Variants in MAST3 observed in about 807,000 individuals in gnomAD.
MAST3 encodes microtubule-associated serine/threonine-protein kinase 3.
A neutral mutation model predicts 127.0 loss-of-function variants in MAST3; 43 were observed. The observed-to-expected ratio is 0.34, with a 90% CI of 0.27 to 0.44. The LOEUF is 0.44. Among genes scored for constraint, MAST3 ranks in the 20% least tolerant of loss-of-function variants. The pLI is 1.00. For synonymous variants in MAST3, 785 were observed against 809.2 expected, an observed-to-expected ratio of 0.97 and a Z score of 0.51; for missense variants, 1,390 against 1,919.1, an observed-to-expected ratio of 0.72 and a Z score of 5.15.
chr19:18,129,363 G>A (rs1295925928), intron 13 of MAST3: 4 of 174,262 alleles, frequency 2.3e-5, no homozygotes, highest in East Asian at 1.7e-4. Context: ...GGGAGAGGCC[G>A]GCAAGGGAAC....
At chr19:18,135,645 G>A in intron 17 of MAST3, 95 bp from the exon 18 acceptor site, 1 of 943,126 alleles carries the variant, frequency 1.1e-6, no homozygotes, top group Non-Finnish European at 1.6e-6. Context: ...GTGGCTTGGA[G>A]TACAGTGAAG....
chr19:18,101,994 C>T (rs1312881507), intron 1 of MAST3, among the ~76,000 whole-genome samples: 10 of 149,108 alleles, frequency 6.7e-5, no homozygotes, highest in Non-Finnish European at 1.0e-4. Context: ...CATTCTCCTG[C>T]CTCAGCCTCC....
intron 3 of MAST3, among the ~76,000 whole-genome samples, chr19:18,117,481 GT>G (rs1255804354): frequency 2.0e-5 from 3 of 152,188 alleles, no homozygotes; most frequent in African/African-American, 7.2e-5. Context: ...CTCTATGCCA[GT>G]CCGGTGCTGG....
intron 1 of MAST3, among the ~76,000 whole-genome samples, chr19:18,099,635 A>G (rs1226753828): frequency 6.6e-6 from 1 of 152,182 alleles, no homozygotes; most frequent in Non-Finnish European, 1.5e-5. Flanking sequence ...GAACCCACGC[A>G]GTTCCGGCTT....
In MAST3 at chr19:18,150,730, G is replaced by A. The variant is rs2147921861; in HGVS notation, c.*1004G>A. On this transcript the variant is annotated 3_prime_UTR_variant, in exon 28 of 28. Coordinates refer to ENST00000687212, the MANE Select transcript of MAST3 (RefSeq NM_001393504.1). ...TCCTGCTGGCTTCAGCCTGGAGAAG[G>A]GATATGGGAGCTGGAGCTTTGATGG... 1 of 152,464 alleles carries A rather than the reference G, an allele frequency of 6.6e-6. No individual in the cohort carries two copies. Among genetic ancestry groups the A allele is most frequent in the East Asian group, 1.9e-4 (1 of 5,188 alleles). 9.4% of individuals were successfully genotyped at this position (152,464 alleles called of 1,614,324 possible). A position where few individuals can be genotyped will look rare whatever the true frequency, so the allele number is the denominator to read the frequency against.
rs3048876 is a variant in MAST3 at position 18,116,090 on chromosome 19, C to CTTTTTTTTTTTTTTTTTTTTTTTTT, written c.161+5370_161+5371insTTTTTTTTTTTTTTTTTTTTTTTTT. On this transcript the variant is annotated intron_variant, in intron 3 of 27. Transcript: ENST00000687212. ...TCTCAGCCTTGGTATTTGAAATTAT[C>CTTTTTTTTTTTTTTTTTTTTTTTTT]TTTTTTTTTTTTTTTTTTTTTGAGA... Among the ~76,000 whole-genome samples the CTTTTTTTTTTTTTTTTTTTTTTTTT allele has an allele frequency of 2.4e-4, 21 of 86,346 alleles. 1 individual carries two copies. Among genetic ancestry groups the CTTTTTTTTTTTTTTTTTTTTTTTTT allele is most frequent in the African/African-American group, 1.1e-3 (20 of 18,374 alleles). 56.6% of individuals were successfully genotyped at this position (86,346 alleles called of 152,430 possible).
At chr19:18,099,065 A>G in intron 1 of MAST3, 3 of 196,708 alleles carry the variant, frequency 1.5e-5, no homozygotes, top group South Asian at 1.1e-4. Context: ...GGGAGGACTG[A>G]GCAGGTGGGG....
At chr19:18,134,535 A>AC (rs751278010) in intron 15 of MAST3, 44 bp from the exon 16 acceptor site, 27 of 1,566,632 alleles carry the variant, frequency 1.7e-5, no homozygotes, top group Non-Finnish European at 2.3e-5. Flanking sequence ...GAGGCCAGGC[A>AC]CCCCAGCCCC....
chr19:18,132,955 C>T (rs1378523156), intron 15 of MAST3, among the ~76,000 whole-genome samples: 3 of 152,132 alleles, frequency 2.0e-5, no homozygotes, highest in Non-Finnish European at 2.9e-5. Context: ...ATACAAAAAT[C>T]AGCTGGGAGT....
intron 3 of MAST3, among the ~76,000 whole-genome samples, chr19:18,114,707 A>C (rs1264095663): frequency 4.6e-5 from 7 of 152,072 alleles, no homozygotes; most frequent in Admixed American, 4.6e-4. Context: ...TAGTGATAGC[A>C]TTGGGGGTTG....
Position 18,112,884 on chromosome 19 carries a change from C to T in MAST3, c.161+2143C>T, listed in dbSNP as rs77955472. 0.028 allele frequency among the ~76,000 whole-genome samples: 4,328 copies of T among 152,154 alleles called. 92 individuals are homozygous for T. The highest frequency in any genetic ancestry group is 0.054 in the Middle Eastern group (16 of 294). On this transcript the variant is annotated intron_variant, in intron 3 of 27. Coordinates refer to ENST00000687212, the MANE Select transcript of MAST3 (RefSeq NM_001393504.1). The surrounding 1 kb of genome is among the most constrained non-coding windows in gnomAD (Gnocchi z 4.1). ...GCTAGGACAACATCCAGGAACAAGTCGAGGCATCCACTGAGAATCAGAGAC... is the reference window on the plus strand; with the variant it reads ...GCTAGGACAACATCCAGGAACAAGTTGAGGCATCCACTGAGAATCAGAGAC...
intron 13 of MAST3, chr19:18,129,179 GTAGGGCGT>G (rs1321014597): frequency 5.4e-6 from 3 of 560,020 alleles, no homozygotes; most frequent in Admixed American, 3.2e-5. Flanking sequence ...TGCCCCAGGT[GTAGGGCGT>G]TCTAGGGGCT....
At chr19:18,105,336 C>T (rs1324682919) in intron 1 of MAST3, among the ~76,000 whole-genome samples, 2 of 152,040 alleles carry the variant, frequency 1.3e-5, no homozygotes, top group African/African-American at 2.4e-5. Context: ...CACTGCACTC[C>T]AGCCTGGCGA....
At chr19:18,124,966 G>C (rs1005053964) in intron 11 of MAST3, among the ~76,000 whole-genome samples, 192 bp downstream of exon 11, 24 of 149,290 alleles carry the variant, frequency 1.6e-4, no homozygotes, top group Admixed American at 6.7e-4. Context: ...AATTAGCTAA[G>C]TGTGGTGGCG....
chr19:18,118,364 C>A, intron 3 of MAST3: 2 of 617,722 alleles, frequency 3.2e-6, no homozygotes, highest in Non-Finnish European at 4.1e-6. Context: ...CTGTCTGTGG[C>A]AGCAGTGGGA....
rs144255008 is a variant in MAST3 at position 18,114,417 on chromosome 19, G to A, written c.161+3676G>A. On this transcript the variant is annotated intron_variant, in intron 3 of 27. Coordinates refer to ENST00000687212, the MANE Select transcript of MAST3 (RefSeq NM_001393504.1). ...TTGGCCAGGCTGGTCTCGAACTCCT[G>A]AGTTCAAGCGATCTGCCCATCTCAG... Among the ~76,000 whole-genome samples, 124 of 152,220 alleles carry A rather than the reference G, an allele frequency of 8.1e-4. 1 individual carries two copies. Among genetic ancestry groups the A allele is most frequent in the African/African-American group, 2.9e-3 (122 of 41,550 alleles).
chr19:18,148,872 C>G (rs2043301913), intron 27 of MAST3, among the ~76,000 whole-genome samples: 1 of 150,214 alleles, frequency 6.7e-6, no homozygotes, highest in Non-Finnish European at 1.5e-5. Context: ...CACTGCACTC[C>G]AGCCTGGGTG....
chr19:18,122,151 TG>T, intron 5 of MAST3: 2 of 981,518 alleles, frequency 2.0e-6, no homozygotes, highest in Non-Finnish European at 2.4e-6. Flanking sequence ...GCCCAGGGGG[TG>T]GGGGGTCATG....
intron 26 of MAST3, among the ~76,000 whole-genome samples, 173 bp from the exon 27 acceptor site, chr19:18,147,269 AT>A (rs1294703081): frequency 6.6e-6 from 1 of 151,476 alleles, no homozygotes; most frequent in Non-Finnish European, 1.5e-5. Flanking sequence ...TGCCCAGCTA[AT>A]TTTTATATTT....
Sources: allele counts gnomAD v4.1 joint callset (sites outside exome capture counted in the v4.1 genomes callset), GRCh38; gene constraint gnomAD v4.1.1; non-coding constraint Gnocchi (gnomAD v3.1); transcripts MANE v1.5; gene names NCBI Gene and HGNC (gene_info 2026-07-23, HGNC 2026-07-21).